Variants in MYO9A observed in about 807,000 individuals in gnomAD.
MYO9A encodes myosin IXA, also known as unconventional myosin-IXa.
A neutral mutation model predicts 293.3 loss-of-function variants in MYO9A; 103 were observed. The ratio of observed to expected loss-of-function variants is 0.35; its 90% confidence interval spans 0.30 to 0.41. The LOEUF (loss-of-function observed/expected upper bound fraction) is 0.41. MYO9A is among the 10% of genes least tolerant of loss of function. MYO9A has a pLI of 1.00. For missense variants in MYO9A, 2,685 were observed against 3,033.0 expected, an observed-to-expected ratio of 0.89 and a Z score of 2.69; for synonymous variants, 1,001 against 1,035.7, an observed-to-expected ratio of 0.97 and a Z score of 0.64.
chr15:72,080,511 A>G (rs2079512169), intron 1 of MYO9A, among the ~76,000 whole-genome samples: 1 of 152,022 alleles, frequency 6.6e-6, no homozygotes, highest in Admixed American at 6.6e-5. Context: ...AGAGCCAGAA[A>G]GCGTTAATAC....
intron 19 of MYO9A, among the ~76,000 whole-genome samples, chr15:71,911,010 T>C (rs576347727): frequency 6.6e-6 from 1 of 152,272 alleles, no homozygotes; most frequent in East Asian, 1.9e-4. Flanking sequence ...TATGCCACTA[T>C]CACTACAGTC....
At chr15:71,836,916 A>G (rs547241067) in intron 39 of MYO9A, among the ~76,000 whole-genome samples, 11 of 152,050 alleles carry the variant, frequency 7.2e-5, no homozygotes, top group East Asian at 1.9e-4. Flanking sequence ...GCAATGTCCT[A>G]TTTCTTGAGC....
rs966313267 is a variant in MYO9A at position 71,823,164 on chromosome 15, ACT to A, written c.*3414_*3415del. 4.6e-5 allele frequency: 7 copies of A among 151,524 alleles called. No individual in the cohort carries two copies. Among genetic ancestry groups the A allele is most frequent in the Non-Finnish European group, 8.8e-5 (6 of 67,860 alleles). The allele number at this position is 151,524 out of a possible 1,614,324, so 9.4% of individuals were successfully genotyped here. A position where few individuals can be genotyped will look rare whatever the true frequency, so the allele number is the denominator to read the frequency against. The stretch of plus-strand genomic sequence containing the variant: ...ATGTATGTTTCTTTTTAAAATGAAA[ACT>A]CTCTTAGCTTTGAACACATCCTGAG... On this transcript the variant is annotated 3_prime_UTR_variant, in exon 42 of 42. Transcript: ENST00000356056.
chr15:72,023,517 A>AC (rs2077565771), intron 4 of MYO9A, among the ~76,000 whole-genome samples: 1 of 151,850 alleles, frequency 6.6e-6, no homozygotes, highest in Admixed American at 6.6e-5. Flanking sequence ...ACATGGTGAA[A>AC]CCCCGTCTCT....
At position 71,825,763 on chromosome 15, in the gene MYO9A, A is replaced by AAAAT. The variant is rs779707438; in HGVS notation, c.*813_*816dup. On this transcript the variant is annotated 3_prime_UTR_variant, in exon 42 of 42. Coordinates refer to ENST00000356056, the MANE Select transcript of MYO9A (RefSeq NM_006901.4). ...GATCACCATGTCTCTGGGAAACTAAAAAATAATGTAGAAGAATCTGATCCT... is the reference window on the plus strand; with the variant it reads ...GATCACCATGTCTCTGGGAAACTAAAAAATAAATAATGTAGAAGAATCTGATCCT... The AAAAT allele has an allele frequency of 6.6e-6, 1 of 152,212 alleles. No individual in the cohort carries two copies. The highest frequency in any genetic ancestry group is 2.4e-5 in the African/African-American group (1 of 41,452). 9.4% of individuals were successfully genotyped at this position (152,212 alleles called of 1,614,324 possible). A position where few individuals can be genotyped will look rare whatever the true frequency, so the allele number is the denominator to read the frequency against.
At chr15:72,040,182 T>C (rs1248554250) in intron 2 of MYO9A, 2 of 152,526 alleles carry the variant, frequency 1.3e-5, no homozygotes, top group Non-Finnish European at 2.9e-5. Flanking sequence ...TAGATAGGCC[T>C]CTAGGAAGAT....
At chr15:71,994,655 G>C (rs1304727740) in intron 9 of MYO9A, 70 bp from the exon 10 acceptor site, 7 of 814,190 alleles carry the variant, frequency 8.6e-6, no homozygotes, top group East Asian at 2.8e-5. Flanking sequence ...AAAGTTGTTT[G>C]CTCCCATTCA....
chr15:71,910,182 A>ATATATATATATATATATATATATATAT (rs1567260909), intron 19 of MYO9A, among the ~76,000 whole-genome samples: 2 of 145,738 alleles, frequency 1.4e-5, no homozygotes, highest in East Asian at 4.0e-4. Flanking sequence ...ATATATATAT[A>ATATATATATATATATATATATATATAT]AAATCAGAAA....
chr15:71,978,187 A>G lies in MYO9A; in HGVS notation c.1828T>C (p.Leu610=), dbSNP rs548293554. 1 of 1,611,906 alleles carries G rather than the reference A, an allele frequency of 6.2e-7. No individual in the cohort carries two copies. The highest frequency in any genetic ancestry group is 1.3e-5 in the African/African-American group (1 of 74,926). The change falls in exon 12 of 42, where the codon TTG becomes CTG. Residue 610 remains leucine, a synonymous_variant. Transcript: ENST00000356056. ...CACACTCACTTGCTTTCTTCATCCAAAAGATGAAGCAGTCCTGTTGGTTTT... is the reference window on the plus strand; with the variant it reads ...CACACTCACTTGCTTTCTTCATCCAGAAGATGAAGCAGTCCTGTTGGTTTT... The part of the protein sequence containing the change: ...SKKPTGLLHL[L]DEESNFPQAT...
intron 39 of MYO9A, among the ~76,000 whole-genome samples, chr15:71,844,527 G>GAAAC (rs1209231809): frequency 6.6e-6 from 1 of 152,076 alleles, no homozygotes; most frequent in African/African-American, 2.4e-5. Flanking sequence ...CTATTTGAGG[G>GAAAC]AAACAGGATA....
chr15:71,852,251 C>G lies in MYO9A; in HGVS notation c.6356G>C (p.Ser2119Thr). The change falls in exon 36 of 42, where the codon AGT (serine) becomes ACT (threonine). Residue 2119 changes from serine to threonine, a missense_variant. Coordinates refer to ENST00000356056, the MANE Select transcript of MYO9A (RefSeq NM_006901.4). ...LRQGLDTDAESVNLDDYNIHV... is the reference protein window; with the variant it reads ...LRQGLDTDAETVNLDDYNIHV... ...TATGTTATAGTCATCTAGATTTACA[C>G]TCTCAGCATCTATTTAGAGACAAGA... is the stretch of plus-strand genomic sequence containing the variant. The G allele has an allele frequency of 6.2e-7, 1 of 1,608,538 alleles. No homozygotes were observed. Among genetic ancestry groups the G allele is most frequent in the Non-Finnish European group, 8.5e-7 (1 of 1,176,226 alleles).
At chr15:71,929,914 C>T (rs897360329) in intron 18 of MYO9A, among the ~76,000 whole-genome samples, 3 of 152,116 alleles carry the variant, frequency 2.0e-5, no homozygotes, top group East Asian at 1.9e-4. Flanking sequence ...GTAGTACTTT[C>T]GTATGGCTTT....
chr15:71,849,852 C>T (rs533373350), intron 38 of MYO9A, among the ~76,000 whole-genome samples, 184 bp downstream of exon 38: 16 of 152,300 alleles, frequency 1.1e-4, no homozygotes, highest in African/African-American at 2.6e-4. Context: ...TGCTTTAAGA[C>T]AAATGATGCT....
intron 15 of MYO9A, among the ~76,000 whole-genome samples, chr15:71,941,683 GA>G (rs1217373848): frequency 6.6e-6 from 1 of 151,900 alleles, no homozygotes; most frequent in African/African-American, 2.4e-5. Context: ...AAATCCCAAA[GA>G]AAATTAATAT....
At chr15:71,960,542 G>T in intron 13 of MYO9A, 1 of 162,630 alleles carries the variant, frequency 6.1e-6, no homozygotes, top group Admixed American at 5.8e-5. Flanking sequence ...AAGTTGCCCA[G>T]CCATAGGTGT....
chr15:71,919,542 A>G (rs1786313644), intron 18 of MYO9A, among the ~76,000 whole-genome samples: 1 of 152,132 alleles, frequency 6.6e-6, no homozygotes, highest in African/African-American at 2.4e-5. Flanking sequence ...GGTTTAGAGT[A>G]GGATTCAATA....
intron 1 of MYO9A, among the ~76,000 whole-genome samples, chr15:72,068,313 T>C (rs569468479): frequency 6.6e-6 from 1 of 152,304 alleles, no homozygotes; most frequent in African/African-American, 2.4e-5. Context: ...AAAGCTTTAT[T>C]GAGAATATAT....
At chr15:71,879,078 T>C (rs1002690682) in intron 30 of MYO9A, among the ~76,000 whole-genome samples, 1 of 152,148 alleles carries the variant, frequency 6.6e-6, no homozygotes. Context: ...ATTAAAAAGC[T>C]TTCCAGATTT....
intron 25 of MYO9A, among the ~76,000 whole-genome samples, chr15:71,896,539 G>C (rs1432746855): frequency 6.6e-6 from 1 of 152,068 alleles, no homozygotes; most frequent in South Asian, 2.1e-4. Context: ...CAGCAATTTG[G>C]GGGGCAGAGG....
Sources: gnomAD v4.1 joint callset for allele counts (sites outside exome capture counted in the v4.1 genomes callset) on GRCh38, gnomAD v4.1.1 for gene constraint, MANE v1.5 for transcripts, NCBI Gene and HGNC (gene_info 2026-07-23, HGNC 2026-07-21) for gene names.